The following RLN2 variants were observed in gnomAD, a reference collection of about 807,000 sequenced individuals.
The protein encoded by RLN2 is prorelaxin H2.
RLN2 carries 10 observed loss-of-function variants against 7.3 expected under a neutral mutation model. That is an observed-to-expected ratio of 1.36 (90% CI 0.84 to 2.31). RLN2 has a LOEUF of 2.31. RLN2 is among the 30% of genes most tolerant of loss of function. The pLI is 0.00. For synonymous variants in RLN2, 103 were observed against 82.3 expected, an observed-to-expected ratio of 1.25 and a Z score of -1.36; for missense variants, 298 against 217.6, an observed-to-expected ratio of 1.37 and a Z score of -2.32.
the RLN2 span, among the ~76,000 whole-genome samples, chr9:5,334,251 C>T: frequency 6.6e-6 from 1 of 152,096 alleles, no homozygotes; most frequent in East Asian, 1.9e-4. Flanking sequence ...ATGACATGGT[C>T]CTATTTCTAG....
At chr9:5,319,129 T>C in the RLN2 span, among the ~76,000 whole-genome samples, 1 of 151,936 alleles carries the variant, frequency 6.6e-6, no homozygotes, top group Non-Finnish European at 1.5e-5. Flanking sequence ...TTCATACACA[T>C]CCCTTTCCTA....
the RLN2 span, among the ~76,000 whole-genome samples, chr9:5,330,387 C>A: frequency 6.6e-6 from 1 of 151,744 alleles, no homozygotes; most frequent in Non-Finnish European, 1.5e-5. Flanking sequence ...GCCTGTCATC[C>A]CAGCACTTTG....
chr9:5,318,522 T>C, the RLN2 span, among the ~76,000 whole-genome samples: 758 of 152,122 alleles, frequency 5.0e-3, 13 homozygotes, highest in Middle Eastern at 0.02. Flanking sequence ...TTACTATACC[T>C]TTCAAAGAAG....
chr9:5,337,139 T>G, the RLN2 span, among the ~76,000 whole-genome samples: 4 of 152,060 alleles, frequency 2.6e-5, no homozygotes, highest in East Asian at 5.8e-4. Flanking sequence ...TTTTCCCTCA[T>G]TAAGACATCC....
At chr9:5,337,466 T>C in the RLN2 span, among the ~76,000 whole-genome samples, 1 of 152,056 alleles carries the variant, frequency 6.6e-6, no homozygotes, top group East Asian at 1.9e-4. Flanking sequence ...TCACTGTATT[T>C]TGGATGCAAA....
rs1211126578 is a variant in RLN2, at chr9:5,300,445, C to A, written c.212-1G>T. ...TTGTTGATGAAGGATGGCACAATTT[C>A]TGTTAAATTTAAAAAAAAAGGTGTA... On this transcript the variant is annotated splice_acceptor_variant, in intron 1 of 1. Transcript: ENST00000381627. LOFTEE classifies it high-confidence loss of function. The A allele has an allele frequency of 1.3e-6, 2 of 1,587,072 alleles. No individual in the cohort carries two copies. The highest frequency in any genetic ancestry group is 1.2e-5 in the South Asian group (1 of 86,920).
rs1447378245 is a variant in RLN2, at chr9:5,300,327, G to C, written c.329C>G (p.Pro110Arg). The change falls in exon 2 of 2, where the codon CCA becomes CGA. Residue 110 changes from proline (P) to arginine (R), a missense_variant. Transcript: ENST00000381627. ...TACAGGTACATGTTGTTGTAGCTGT[G>C]GTAATGCTGGCTGCATCTCAGACAG... Reference protein sequence around the residue: ...LTLSEMQPALPQLQQHVPVLK... With the variant: ...LTLSEMQPALRQLQQHVPVLK... 6.2e-7 allele frequency: 1 copy of C among 1,613,518 alleles called. No individual in the cohort carries two copies.
the RLN2 span, among the ~76,000 whole-genome samples, chr9:5,317,630 T>C: frequency 6.6e-6 from 1 of 151,504 alleles, no homozygotes; most frequent in Non-Finnish European, 1.5e-5. Flanking sequence ...TGAAAGAAAA[T>C]ATTTGCCACA....
the RLN2 span, among the ~76,000 whole-genome samples, chr9:5,335,766 T>C: frequency 1.3e-5 from 2 of 152,068 alleles, no homozygotes; most frequent in African/African-American, 2.4e-5. Context: ...TTTCTTACAG[T>C]TGGACACCTT....
At chr9:5,332,643 A>C in the RLN2 span, among the ~76,000 whole-genome samples, 1 of 150,394 alleles carries the variant, frequency 6.6e-6, no homozygotes, top group Non-Finnish European at 1.5e-5. Flanking sequence ...TTAATGTGAT[A>C]CAGTGTTTCA....
chr9:5,314,214 G>C, the RLN2 span, among the ~76,000 whole-genome samples: 4 of 152,076 alleles, frequency 2.6e-5, no homozygotes, highest in Non-Finnish European at 5.9e-5. Context: ...TCTGGGGATA[G>C]GTAGCCACAG....
chr9:5,329,325 A>AG, the RLN2 span, among the ~76,000 whole-genome samples: 4 of 149,888 alleles, frequency 2.7e-5, no homozygotes, highest in Admixed American at 1.3e-4. Context: ...AAAAAAAAAA[A>AG]AAAAGAAAAG....
chr9:5,306,162 C>T (rs57646122), upstream of RLN2, among the ~76,000 whole-genome samples: 1,936 of 144,066 alleles, frequency 0.013, 67 homozygotes, highest in African/African-American at 0.048. Context: ...GGCTGGAGTG[C>T]AATGGTGTGA....
chr9:5,330,593 A>C, the RLN2 span, among the ~76,000 whole-genome samples: 1 of 146,352 alleles, frequency 6.8e-6, no homozygotes. Context: ...AGCCAAGATC[A>C]CACCACTGCA....
chr9:5,335,271 A>G, the RLN2 span: 1 of 1,591,110 alleles, frequency 6.3e-7, no homozygotes, highest in Non-Finnish European at 8.5e-7. Flanking sequence ...TTAGCAAGAG[A>G]CCTTTTGGTA....
At chr9:5,320,277 C>G in the RLN2 span, among the ~76,000 whole-genome samples, 2 of 150,342 alleles carry the variant, frequency 1.3e-5, no homozygotes, top group Non-Finnish European at 1.5e-5. Flanking sequence ...TGAGCCACCA[C>G]ACCCGGCAAA....
the RLN2 span, among the ~76,000 whole-genome samples, chr9:5,332,623 T>C: frequency 1.2e-5 from 1 of 85,490 alleles, no homozygotes; most frequent in South Asian, 5.5e-4. Flanking sequence ...GAATGTGCTT[T>C]TTTTTTTTTT....
chr9:5,328,429 C>T, the RLN2 span, among the ~76,000 whole-genome samples: 1 of 151,956 alleles, frequency 6.6e-6, no homozygotes, highest in Non-Finnish European at 1.5e-5. Flanking sequence ...AACAAATATA[C>T]GTTAGTTTGG....
intron 1 of RLN2, among the ~76,000 whole-genome samples, chr9:5,301,914 G>A (rs1321287247): frequency 6.6e-6 from 1 of 152,172 alleles, no homozygotes; most frequent in Admixed American, 6.5e-5. Flanking sequence ...AATGACAGAT[G>A]AGAATTTATA....
Sources: allele counts gnomAD v4.1 joint callset (sites outside exome capture counted in the v4.1 genomes callset), GRCh38; gene constraint gnomAD v4.1.1; transcripts MANE v1.5; gene names NCBI Gene and HGNC (gene_info 2026-07-23, HGNC 2026-07-21).